PLXNA4: variants seen among roughly 807,000 people sequenced by gnomAD.
PLXNA4 encodes plexin A4.
PLXNA4 carries 44 observed loss-of-function variants against 191.8 expected under a neutral mutation model. The observed-to-expected ratio is 0.23, with a 90% CI of 0.18 to 0.29. The LOEUF (loss-of-function observed/expected upper bound fraction) is 0.29. Among genes scored for constraint, PLXNA4 ranks in the 10% least tolerant of loss-of-function variants. PLXNA4 has a pLI of 1.00. For synonymous variants in PLXNA4, 1,082 were observed against 1,009.5 expected, an observed-to-expected ratio of 1.07 and a Z score of -1.36; for missense variants, 1,800 against 2,488.8, an observed-to-expected ratio of 0.72 and a Z score of 5.89.
intron 3 of PLXNA4, among the ~76,000 whole-genome samples, chr7:132,481,551 A>G (rs1797337385): frequency 6.6e-6 from 1 of 152,210 alleles, no homozygotes; most frequent in Non-Finnish European, 1.5e-5. Flanking sequence ...GTGACAATCA[A>G]TGTAAGTAAC....
At chr7:132,286,566 T>G (rs1800690651) in intron 4 of PLXNA4, among the ~76,000 whole-genome samples, 1 of 152,068 alleles carries the variant, frequency 6.6e-6, no homozygotes, top group African/African-American at 2.4e-5. Flanking sequence ...CTGCTCCACA[T>G]CCTCCCTCAC....
chr7:132,409,358 C>T lies in PLXNA4; in HGVS notation c.1371+79934G>A, dbSNP rs188634678. The stretch of plus-strand genomic sequence containing the variant: ...TAACCCCCTATGGCAGCTCCAGCCC[C>T]GAGACGTCTTCCCTTGACCAAACTC... On this transcript the variant is annotated intron_variant, in intron 3 of 31. Coordinates refer to ENST00000321063, the MANE Select transcript of PLXNA4 (RefSeq NM_020911.2). Among the ~76,000 whole-genome samples, 578 of 152,310 alleles carry T rather than the reference C, an allele frequency of 3.8e-3. 1 individual carries two copies. The highest frequency in any genetic ancestry group is 0.02 in the Middle Eastern group (6 of 294).
At chr7:132,234,474 A>G (rs1465909400) in intron 5 of PLXNA4, among the ~76,000 whole-genome samples, 1 of 152,180 alleles carries the variant, frequency 6.6e-6, no homozygotes, top group Non-Finnish European at 1.5e-5. Context: ...GGTTGTCCAC[A>G]GGTATCCAAG....
chr7:132,147,260 C>T (rs1371073104), intron 27 of PLXNA4, among the ~76,000 whole-genome samples: 1 of 152,202 alleles, frequency 6.6e-6, no homozygotes, highest in Non-Finnish European at 1.5e-5. Context: ...AATGGCGGTC[C>T]TACTGTGTGC....
chr7:132,485,558 C>G (rs1171316728), intron 3 of PLXNA4, among the ~76,000 whole-genome samples: 1 of 152,214 alleles, frequency 6.6e-6, no homozygotes, highest in African/African-American at 2.4e-5. Context: ...TGAGACAACA[C>G]TGAGCTGATT....
chr7:132,566,720 C>T (rs1488210322), intron 1 of PLXNA4, among the ~76,000 whole-genome samples: 1 of 152,202 alleles, frequency 6.6e-6, no homozygotes, highest in Non-Finnish European at 1.5e-5. Context: ...AACATGTCCA[C>T]AAACCTGTCA....
chr7:132,167,312 A>G (rs189948012), intron 22 of PLXNA4, among the ~76,000 whole-genome samples: 145 of 152,272 alleles, frequency 9.5e-4, no homozygotes, highest in African/African-American at 3.1e-3. Context: ...ATCAAGTTTG[A>G]GGCCTCCAGG....
chr7:132,373,585 G>C (rs1346496919), intron 3 of PLXNA4, among the ~76,000 whole-genome samples: 1 of 152,172 alleles, frequency 6.6e-6, no homozygotes, highest in African/African-American at 2.4e-5. Context: ...ATGCTCTAAA[G>C]CTGGGGAGTC....
intron 4 of PLXNA4, among the ~76,000 whole-genome samples, chr7:132,258,046 G>A (rs1799493174): frequency 6.6e-6 from 1 of 152,236 alleles, no homozygotes; most frequent in South Asian, 2.1e-4. Flanking sequence ...AAGTTGGACA[G>A]AAAGCTCCAC....
intron 3 of PLXNA4, among the ~76,000 whole-genome samples, chr7:132,360,033 G>T (rs997640388): frequency 1.3e-5 from 2 of 152,204 alleles, no homozygotes. Context: ...ATTTGCCATG[G>T]AGTTCAGCGG....
At chr7:132,536,467 AC>A (rs1554463726) in intron 1 of PLXNA4, among the ~76,000 whole-genome samples, 1 of 152,194 alleles carries the variant, frequency 6.6e-6, no homozygotes, top group Non-Finnish European at 1.5e-5. Flanking sequence ...TAGAACGACG[AC>A]CTCAGTGGTG....
At chr7:132,465,453 A>T (rs763941461) in intron 3 of PLXNA4, among the ~76,000 whole-genome samples, 3 of 152,254 alleles carry the variant, frequency 2.0e-5, no homozygotes, top group Admixed American at 1.3e-4. Flanking sequence ...CCTGGGGCTT[A>T]TAAGAATCCA....
intron 14 of PLXNA4, among the ~76,000 whole-genome samples, chr7:132,192,104 G>A (rs1319804687): frequency 1.3e-5 from 2 of 152,116 alleles, no homozygotes; most frequent in Non-Finnish European, 2.9e-5. Context: ...GAGAGCAGAG[G>A]TGGAGCAGAT....
chr7:132,607,267 T>C (rs997857857), intron 2 of PLXNA4, among the ~76,000 whole-genome samples: 5 of 152,164 alleles, frequency 3.3e-5, no homozygotes, highest in Non-Finnish European at 7.3e-5. Flanking sequence ...TCTAGAGAAA[T>C]TGCCAATATG....
intron 3 of PLXNA4, among the ~76,000 whole-genome samples, chr7:132,376,848 CCTCT>C (rs1310215471): frequency 6.6e-6 from 1 of 152,188 alleles, no homozygotes; most frequent in Non-Finnish European, 1.5e-5. Context: ...CCTCCTTGAT[CCTCT>C]CTGTCTTCCC....
At chr7:132,630,108 C>T (rs572788593) in intron 2 of PLXNA4, among the ~76,000 whole-genome samples, 80 of 152,274 alleles carry the variant, frequency 5.3e-4, no homozygotes, top group Middle Eastern at 3.4e-3. Context: ...CCTCGGCCTC[C>T]CAAAGTGCTG....
At chr7:132,186,601 A>C (rs1796885782) in intron 15 of PLXNA4, among the ~76,000 whole-genome samples, 1 of 152,144 alleles carries the variant, frequency 6.6e-6, no homozygotes, top group Non-Finnish European at 1.5e-5. Flanking sequence ...AGGTGATTGA[A>C]ACCACCTTTG....
At chr7:132,264,569 C>T (rs958076082) in intron 4 of PLXNA4, among the ~76,000 whole-genome samples, 2 of 152,128 alleles carry the variant, frequency 1.3e-5, no homozygotes, top group Non-Finnish European at 2.9e-5. Flanking sequence ...ACAGGGCGAG[C>T]TGGGTTTATA....
At chr7:132,382,173 A>G (rs1361189155) in intron 3 of PLXNA4, among the ~76,000 whole-genome samples, 1 of 152,222 alleles carries the variant, frequency 6.6e-6, no homozygotes, top group Non-Finnish European at 1.5e-5. Context: ...GACAAAGCAC[A>G]CAGGCTGAGG....
Sources: allele counts gnomAD v4.1 joint callset (sites outside exome capture counted in the v4.1 genomes callset), GRCh38; gene constraint gnomAD v4.1.1; transcripts MANE v1.5; gene names NCBI Gene and HGNC (gene_info 2026-07-23, HGNC 2026-07-21).